Variants in ADAMTSL1 observed in about 807,000 individuals in gnomAD.
The protein encoded by ADAMTSL1 is ADAMTS-like protein 1.
In ADAMTSL1, 126 loss-of-function variants were observed where a neutral mutation model predicts 201.8. The observed-to-expected ratio is 0.62, with a 90% CI of 0.54 to 0.72. The LOEUF is 0.72. Ranked by LOEUF, ADAMTSL1 falls within the 30% of genes least tolerant of loss-of-function variation. The probability of loss-of-function intolerance (pLI) is 0.00; values close to 1 mark genes in which losing one functional copy is unlikely to be tolerated. For synonymous variants in ADAMTSL1, 1,121 were observed against 903.4 expected (o/e 1.24, Z -4.32); for missense variants, 2,679 against 2,277.8 (o/e 1.18, Z -3.59).
chr9:18,292,283 G>C (rs978426421), intron 2 of ADAMTSL1, among the ~76,000 whole-genome samples: 1 of 152,116 alleles, frequency 6.6e-6, no homozygotes, highest in Non-Finnish European at 1.5e-5. Context: ...GTGAACAGCA[G>C]GTAATTGGCA....
At chr9:18,261,283 T>C (rs995158573) in intron 2 of ADAMTSL1, among the ~76,000 whole-genome samples, 1 of 152,180 alleles carries the variant, frequency 6.6e-6, no homozygotes, top group African/African-American at 2.4e-5. Flanking sequence ...TCATTTTGCT[T>C]GACACATTTT....
At chr9:18,869,412 TC>T (rs2131454697) in intron 23 of ADAMTSL1, among the ~76,000 whole-genome samples, 1 of 152,372 alleles carries the variant, frequency 6.6e-6, no homozygotes, top group African/African-American at 2.4e-5. Flanking sequence ...CTGTTTCCTT[TC>T]TTCCAGGGAT....
intron 2 of ADAMTSL1, among the ~76,000 whole-genome samples, chr9:18,512,201 A>C (rs1032830998): frequency 7.2e-5 from 11 of 152,174 alleles, no homozygotes; most frequent in Non-Finnish European, 1.6e-4. Flanking sequence ...TATATTACCA[A>C]GACTTCTAAT....
intron 2 of ADAMTSL1, among the ~76,000 whole-genome samples, chr9:18,362,710 C>G (rs1371406520): frequency 2.6e-5 from 4 of 152,178 alleles, no homozygotes; most frequent in African/African-American, 4.8e-5. Context: ...ATTGATAAAT[C>G]AAGATTTCCT....
In ADAMTSL1 at chr9:18,433,383, C is replaced by A. The variant is rs535545571; in HGVS notation, c.208-71446C>A. 6.6e-5 allele frequency among the ~76,000 whole-genome samples: 10 copies of A among 152,028 alleles called. No individual in the cohort carries two copies. The South Asian group carries it at 1.7e-3, about 25-fold the overall frequency. On this transcript the variant is annotated intron_variant, in intron 2 of 29. Coordinates refer to the ADAMTSL1 transcript ENST00000680146. ...CAGAATGACTCCATATTTCCTCAGG[C>A]CTAGATTGGATAATTTTATTTATGA...
intron 19 of ADAMTSL1, among the ~76,000 whole-genome samples, chr9:18,785,188 G>T (rs973451752): frequency 4.0e-5 from 6 of 151,822 alleles, no homozygotes; most frequent in African/African-American, 1.2e-4. Context: ...TAATGGAGCT[G>T]GGATTTGAAT....
chr9:18,172,769 TATAA>T (rs1406159392), intron 2 of ADAMTSL1, among the ~76,000 whole-genome samples: 1 of 152,094 alleles, frequency 6.6e-6, no homozygotes, highest in Non-Finnish European at 1.5e-5. Context: ...ATAAACACTA[TATAA>T]ATAAATAACA....
intron 2 of ADAMTSL1, among the ~76,000 whole-genome samples, chr9:18,208,817 A>G (rs139652125): frequency 6.6e-6 from 1 of 152,290 alleles, no homozygotes; most frequent in East Asian, 1.9e-4. Flanking sequence ...GGAAAACTGG[A>G]AAGGACAGAC....
At chr9:18,592,259 C>A (rs1412330320) in intron 4 of ADAMTSL1, among the ~76,000 whole-genome samples, 1 of 152,082 alleles carries the variant, frequency 6.6e-6, no homozygotes, top group East Asian at 1.9e-4. Flanking sequence ...TTCTTCATTG[C>A]TTGTCATATA....
At chr9:18,365,199 T>C (rs940605667) in intron 2 of ADAMTSL1, among the ~76,000 whole-genome samples, 2 of 152,192 alleles carry the variant, frequency 1.3e-5, no homozygotes, top group Non-Finnish European at 2.9e-5. Flanking sequence ...AATTGTAGCA[T>C]GTATTTTCAA....
chr9:18,465,242 G>C (rs565826555), intron 2 of ADAMTSL1, among the ~76,000 whole-genome samples: 26 of 152,304 alleles, frequency 1.7e-4, no homozygotes, highest in African/African-American at 5.8e-4. Flanking sequence ...GATTGTCTCA[G>C]CTGCCAGAAG....
intron 4 of ADAMTSL1, among the ~76,000 whole-genome samples, chr9:18,599,409 G>A (rs1362699037): frequency 6.6e-6 from 1 of 152,208 alleles, no homozygotes; most frequent in Non-Finnish European, 1.5e-5. Flanking sequence ...TGGGTGCTTA[G>A]GAGGAGGTAG....
intron 2 of ADAMTSL1, among the ~76,000 whole-genome samples, chr9:18,398,285 T>C (rs529932470): frequency 2.8e-4 from 43 of 152,320 alleles, no homozygotes; most frequent in African/African-American, 7.0e-4. Flanking sequence ...TGTGTCATTA[T>C]GATAAAATAG....
At chr9:18,511,957 C>T (rs1295797173) in intron 2 of ADAMTSL1, among the ~76,000 whole-genome samples, 1 of 152,066 alleles carries the variant, frequency 6.6e-6, no homozygotes, top group East Asian at 1.9e-4. Flanking sequence ...CCAAAGCAGG[C>T]TTTATCTGTT....
At chr9:18,171,779 C>G (rs1827902263) in intron 2 of ADAMTSL1, among the ~76,000 whole-genome samples, 1 of 152,038 alleles carries the variant, frequency 6.6e-6, no homozygotes, top group Non-Finnish European at 1.5e-5. Context: ...AATGGTATTA[C>G]CTAGGTTTTC....
chr9:17,935,007 T>C (rs754525862), intron 1 of ADAMTSL1, among the ~76,000 whole-genome samples: 1 of 152,114 alleles, frequency 6.6e-6, no homozygotes. Context: ...CAGTTATCTC[T>C]TGTATATTAT....
chr9:18,687,579 A>G (rs559526426), intron 13 of ADAMTSL1, among the ~76,000 whole-genome samples: 4 of 152,220 alleles, frequency 2.6e-5, no homozygotes, highest in Non-Finnish European at 5.9e-5. Context: ...TTATTTCCGT[A>G]TATGGAAAGT....
chr9:18,407,831 G>C (rs1275055322), intron 2 of ADAMTSL1, among the ~76,000 whole-genome samples: 2 of 152,204 alleles, frequency 1.3e-5, no homozygotes, highest in African/African-American at 4.8e-5. Context: ...AGAAGAATGA[G>C]AGGGTCAAAG....
At chr9:18,860,060 G>A (rs777007349) in intron 23 of ADAMTSL1, among the ~76,000 whole-genome samples, 4 of 152,204 alleles carry the variant, frequency 2.6e-5, no homozygotes, top group African/African-American at 7.2e-5. Flanking sequence ...GATCAATTAC[G>A]TCTGAGAAGT....
Sources: gnomAD v4.1 joint callset for allele counts (sites outside exome capture counted in the v4.1 genomes callset) on GRCh38, gnomAD v4.1.1 for gene constraint, MANE v1.5 for transcripts, NCBI Gene and HGNC (gene_info 2026-07-23, HGNC 2026-07-21) for gene names.